The following PCNX2 variants were observed in gnomAD, a reference collection of about 807,000 sequenced individuals.
PCNX2 encodes the protein pecanex-like protein 2.
Under a neutral mutation model 223.8 loss-of-function variants are expected in PCNX2, and 168 were observed. The ratio of observed to expected loss-of-function variants is 0.75; its 90% CI spans 0.66 to 0.85. PCNX2 has a LOEUF of 0.85. Ranked by LOEUF, PCNX2 falls within the 40% of genes least tolerant of loss-of-function variation. PCNX2 has a pLI of 0.00. For missense variants in PCNX2, 2,507 were observed against 2,675.5 expected, an observed-to-expected ratio of 0.94 and a Z score of 1.39; for synonymous variants, 1,006 against 1,052.6, an observed-to-expected ratio of 0.96 and a Z score of 0.86.
At chr1:233,300,526 A>C (rs1444555985), upstream of PCNX2, among the ~76,000 whole-genome samples, 1 of 152,166 alleles carries the variant, frequency 6.6e-6, no homozygotes, top group Non-Finnish European at 1.5e-5. Context: ...TGGGGAGAGA[A>C]GGGCAATGAC....
intron 25 of PCNX2, among the ~76,000 whole-genome samples, chr1:233,051,654 A>C (rs1672011834): frequency 6.6e-6 from 1 of 152,190 alleles, no homozygotes; most frequent in South Asian, 2.1e-4. Flanking sequence ...TTTGGTACTA[A>C]TGGACATACA....
intron 21 of PCNX2, among the ~76,000 whole-genome samples, chr1:233,130,931 C>CT (rs2102758049): frequency 6.6e-6 from 1 of 152,040 alleles, no homozygotes; most frequent in Admixed American, 6.5e-5. Context: ...TGGAAGCTGT[C>CT]TGTTTCCTTC....
Position 233,001,702 on chromosome 1 carries a change from A to T in PCNX2, c.4953-21T>A. ...CCAGGCTGCAAAACAAAGTCCTATT[A>T]CTATGGAACAAATTTCAGAATCCTG... On this transcript the variant is annotated intron_variant, in intron 28 of 33. Coordinates refer to ENST00000258229, the MANE Select transcript of PCNX2 (RefSeq NM_014801.4). This position sits in a 1 kb window ranked among gnomAD's most constrained non-coding sequence, Gnocchi z 4.2. 1.3e-6 allele frequency: 2 copies of T among 1,523,138 alleles called. No homozygotes were observed. The highest frequency in any genetic ancestry group is 1.8e-6 in the Non-Finnish European group (2 of 1,129,432). 94.4% of individuals were successfully genotyped at this position (1,523,138 alleles called of 1,614,324 possible). A position where few individuals can be genotyped will look rare whatever the true frequency, so the allele number is the denominator to read the frequency against.
At chr1:233,014,840 A>T (rs1276344784) in intron 27 of PCNX2, 63 bp from the exon 28 acceptor site, 23 of 1,323,528 alleles carry the variant, frequency 1.7e-5, no homozygotes, top group Non-Finnish European at 2.5e-5. Flanking sequence ...ACACACAGGC[A>T]TAAATGTAGA....
At chr1:233,226,501 C>T (rs1210679070) in intron 10 of PCNX2, among the ~76,000 whole-genome samples, 2 of 152,110 alleles carry the variant, frequency 1.3e-5, no homozygotes, top group Non-Finnish European at 2.9e-5. Context: ...AACTCCTGAC[C>T]TCAGGTGATC....
At chr1:233,146,277 C>T (rs1677441517) in intron 19 of PCNX2, among the ~76,000 whole-genome samples, 2 of 151,986 alleles carry the variant, frequency 1.3e-5, no homozygotes, top group Non-Finnish European at 2.9e-5. Flanking sequence ...AGAATGTCTG[C>T]CAGAGAGTTG....
chr1:233,259,427 A>G (rs1355638894), intron 4 of PCNX2, 83 bp from the exon 5 acceptor site: 12 of 1,436,324 alleles, frequency 8.4e-6, no homozygotes, highest in Non-Finnish European at 1.1e-5. Context: ...TAATAACAAA[A>G]CTAAAACAGC....
intron 9 of PCNX2, among the ~76,000 whole-genome samples, chr1:233,233,444 G>GTA (rs1658192841): frequency 6.6e-6 from 1 of 151,378 alleles, no homozygotes; most frequent in Non-Finnish European, 1.5e-5. Context: ...GTGTGTGTGT[G>GTA]TGTGTGTGTG....
rs530390422 is a variant in PCNX2 at position 233,139,270 on chromosome 1, T to A, written c.3659+444A>T. On this transcript the variant is annotated intron_variant, in intron 20 of 33. Transcript: ENST00000258229. This position sits in a 1 kb window ranked among gnomAD's most constrained non-coding sequence, Gnocchi z 4.4. ...TTTTAAATTACGAGGCTTCTCTTGA[T>A]AAATTCAGAGACAGCAGTGACAGTG... is the stretch of plus-strand genomic sequence containing the variant. 6.6e-6 allele frequency among the ~76,000 whole-genome samples: 1 copy of A among 152,360 alleles called. No individual in the cohort carries two copies. Among genetic ancestry groups the A allele is most frequent in the South Asian group, 2.1e-4 (1 of 4,832 alleles).
chr1:233,294,122 GA>G (rs2103032807), intron 1 of PCNX2: 1 of 479,024 alleles, frequency 2.1e-6, no homozygotes, highest in Admixed American at 6.4e-5. Flanking sequence ...CTAAGTTTTA[GA>G]AAAGTTCAGT....
intron 21 of PCNX2, among the ~76,000 whole-genome samples, chr1:233,115,365 A>G (rs1675349706): frequency 6.6e-6 from 1 of 152,192 alleles, no homozygotes; most frequent in African/African-American, 2.4e-5. Context: ...GCTACAAGAC[A>G]TAAACCGTTT....
At chr1:233,244,214 G>T (rs1323134997) in intron 8 of PCNX2, among the ~76,000 whole-genome samples, 1 of 152,194 alleles carries the variant, frequency 6.6e-6, no homozygotes, top group Admixed American at 6.5e-5. Context: ...ACTTAAGATG[G>T]TTAAGCAAGT....
chr1:232,989,777 C>T (rs995262741), intron 32 of PCNX2, among the ~76,000 whole-genome samples: 10 of 152,226 alleles, frequency 6.6e-5, no homozygotes, highest in Non-Finnish European at 1.5e-4. Context: ...GGGGTGGGTA[C>T]AGTGTTTCTT....
intron 20 of PCNX2, among the ~76,000 whole-genome samples, chr1:233,138,078 C>T (rs1558270626): frequency 6.6e-6 from 1 of 152,100 alleles, no homozygotes; most frequent in East Asian, 1.9e-4. Context: ...CCTGAAACCT[C>T]GAAAAATGTT....
intron 19 of PCNX2, among the ~76,000 whole-genome samples, chr1:233,145,994 G>A (rs901854965): frequency 4.6e-5 from 7 of 152,080 alleles, no homozygotes; most frequent in Non-Finnish European, 7.3e-5. Context: ...AGCTTTTTGA[G>A]CACTGACATG....
At chr1:233,309,455 C>A in the PCNX2 span, among the ~76,000 whole-genome samples, 4 of 151,266 alleles carry the variant, frequency 2.6e-5, no homozygotes. Flanking sequence ...GCAGGAGAAT[C>A]CCTTCAACCC....
chr1:233,134,249 ATTTC>A (rs1238400559), intron 21 of PCNX2, among the ~76,000 whole-genome samples: 1 of 152,084 alleles, frequency 6.6e-6, no homozygotes, highest in Non-Finnish European at 1.5e-5. Flanking sequence ...GTTGTTCCAA[ATTTC>A]TTTCTATTTC....
At chr1:233,152,427 A>G (rs1241519191) in intron 19 of PCNX2, among the ~76,000 whole-genome samples, 3 of 152,166 alleles carry the variant, frequency 2.0e-5, no homozygotes, top group African/African-American at 7.2e-5. Flanking sequence ...TATGTGGGGA[A>G]AAAGGCGAGG....
At chr1:233,023,452 C>T (rs1390590381) in intron 26 of PCNX2, among the ~76,000 whole-genome samples, 1 of 152,204 alleles carries the variant, frequency 6.6e-6, no homozygotes, top group African/African-American at 2.4e-5. Context: ...TCTTCATTTT[C>T]TGTGTCCTTT....
Sources: allele counts gnomAD v4.1 joint callset (sites outside exome capture counted in the v4.1 genomes callset), GRCh38; gene constraint gnomAD v4.1.1; non-coding constraint Gnocchi (gnomAD v3.1); transcripts MANE v1.5; gene names NCBI Gene and HGNC (gene_info 2026-07-23, HGNC 2026-07-21).